LHX1: variants seen among roughly 807,000 people sequenced by gnomAD.
LHX1 encodes the protein LIM homeobox 1.
A neutral mutation model predicts 34.1 loss-of-function variants in LHX1; 9 were observed. The ratio of observed to expected loss-of-function variants is 0.26; its 90% confidence interval spans 0.16 to 0.46. The LOEUF (loss-of-function observed/expected upper bound fraction) is 0.46, where lower values mean the gene tolerates loss of function less well. Among genes scored for constraint, LHX1 ranks in the 20% least tolerant of loss-of-function variants. LHX1 has a pLI of 1.00. For synonymous variants in LHX1, 254 were observed against 241.5 expected, an observed-to-expected ratio of 1.05 and a Z score of -0.48; for missense variants, 446 against 559.1, an observed-to-expected ratio of 0.80 and a Z score of 2.04.
At position 36,943,272 on chromosome 17, in the gene LHX1, C is replaced by T; in HGVS notation, c.*141C>T. ...AGAACCATTCTCCTTCTGGGGAGACCGGATGGAAAAGGGGGACACGAAATA... is the reference window on the plus strand; with the variant it reads ...AGAACCATTCTCCTTCTGGGGAGACTGGATGGAAAAGGGGGACACGAAATA... On this transcript the variant is annotated 3_prime_UTR_variant, in exon 5 of 5. Transcript: ENST00000614239. 9.6e-7 allele frequency: 1 copy of T among 1,046,674 alleles called. No individual in the cohort carries two copies. Among genetic ancestry groups the T allele is most frequent in the Non-Finnish European group, 1.3e-6 (1 of 747,122 alleles). The allele number at this position is 1,046,674 out of a possible 1,614,324, so 64.8% of individuals were successfully genotyped here.
chr17:36,943,373 G>A lies in LHX1; in HGVS notation c.*242G>A, dbSNP rs1344977499. On this transcript the variant is annotated 3_prime_UTR_variant, in exon 5 of 5. Transcript: ENST00000614239. ...ACGTGCAGAACTGGGGCTCCCCAAAGGAAACGCAGACCTCTCCCCAACTCC... is the reference window on the plus strand; with the variant it reads ...ACGTGCAGAACTGGGGCTCCCCAAAAGAAACGCAGACCTCTCCCCAACTCC... 2.0e-6 allele frequency: 1 copy of A among 502,226 alleles called. No homozygotes were observed. The highest frequency in any genetic ancestry group is 3.3e-5 in the East Asian group (1 of 29,910). 31.1% of individuals were successfully genotyped at this position (502,226 alleles called of 1,614,324 possible).
intron 1 of LHX1, among the ~76,000 whole-genome samples, chr17:36,939,435 C>A (rs952610801): frequency 3.3e-5 from 5 of 152,218 alleles, no homozygotes; most frequent in Non-Finnish European, 2.9e-5. Flanking sequence ...TCCCCAGTGC[C>A]GCTCCAGGAC....
At position 36,943,508 on chromosome 17, in the gene LHX1, A is replaced by T. The variant is rs369194373; in HGVS notation, c.*377A>T. 1 of 205,142 alleles carries T rather than the reference A, an allele frequency of 4.9e-6. No homozygotes were observed. The highest frequency in any genetic ancestry group is 9.7e-6 in the Non-Finnish European group (1 of 103,116). 12.7% of individuals were successfully genotyped at this position (205,142 alleles called of 1,614,324 possible). A position where few individuals can be genotyped will look rare whatever the true frequency, so the allele number is the denominator to read the frequency against. On this transcript the variant is annotated 3_prime_UTR_variant, in exon 5 of 5. Coordinates refer to ENST00000614239, the MANE Select transcript of LHX1 (RefSeq NM_005568.5). ...GGTGCGCACAGCCGTTGGCGATGCC[A>T]GGAGCCGTGGGGAGGGAGGCCGTGA...
In LHX1 at chr17:36,937,948, G is replaced by T. The variant is rs2070739101; in HGVS notation, c.-250G>T. On this transcript the variant is annotated 5_prime_UTR_variant, in exon 1 of 5. Transcript: ENST00000614239. ...TCCTCGCCCCGGGAGCTCAGGCGGC[G>T]CCGCTCCAGCCCGGGGCCCCGGGAC... The T allele has an allele frequency of 3.3e-6, 2 of 600,270 alleles. No individual in the cohort carries two copies. Among genetic ancestry groups the T allele is most frequent in the Non-Finnish European group, 6.0e-6 (2 of 334,782 alleles). 37.2% of individuals were successfully genotyped at this position (600,270 alleles called of 1,614,324 possible).
At position 36,942,180 on chromosome 17, in the gene LHX1, C is replaced by T. The variant is rs1185307145; in HGVS notation, c.676-20C>T. On this transcript the variant is annotated intron_variant, in intron 3 of 4. Coordinates refer to ENST00000614239, the MANE Select transcript of LHX1 (RefSeq NM_005568.5). ...GGGGGTGGAGTCTCGGTGGCCTCACCCCGCCGCCATGTGCTGCAGGTCTGG... is the reference window on the plus strand; with the variant it reads ...GGGGGTGGAGTCTCGGTGGCCTCACTCCGCCGCCATGTGCTGCAGGTCTGG... The T allele has an allele frequency of 4.5e-6, 7 of 1,564,772 alleles. No individual in the cohort carries two copies. The highest frequency in any genetic ancestry group is 6.0e-6 in the Non-Finnish European group (7 of 1,164,488).
Position 36,943,123 on chromosome 17 carries a change from G to C in LHX1, c.1213G>C (p.Val405Leu). Residue 405 changes from valine to leucine, a missense_variant, in exon 5 of 5, where the codon GTG becomes CTG. This residue lies in a region of LHX1 where 235 missense variants were observed against 224.4 expected (regional missense o/e 1.05). Transcript: ENST00000614239. ...SHPPEMNEAAVW is the reference protein window; with the variant it reads ...SHPPEMNEAALW Reference sequence around the variant, plus strand: ...CCCCCCCGAAATGAACGAGGCGGCCGTGTGGTAGCGGGGTCTCGCACGGTC... The same window carrying C: ...CCCCCCCGAAATGAACGAGGCGGCCCTGTGGTAGCGGGGTCTCGCACGGTC... 6.2e-7 allele frequency: 1 copy of C among 1,612,314 alleles called. No homozygotes were observed. The highest frequency in any genetic ancestry group is 8.5e-7 in the Non-Finnish European group (1 of 1,179,782).
intron 4 of LHX1, 135 bp from the exon 5 acceptor site, chr17:36,942,617 G>T: frequency 9.2e-7 from 1 of 1,084,528 alleles, no homozygotes; most frequent in Non-Finnish European, 1.3e-6. Flanking sequence ...ACCCAGGCCC[G>T]CGAGGGCTCC....
At chr17:36,942,439 G>A in intron 4 of LHX1, 74 bp downstream of exon 4, 1 of 1,451,048 alleles carries the variant, frequency 6.9e-7, no homozygotes, top group Non-Finnish European at 9.4e-7. Context: ...CAGCGCGGGG[G>A]GGCACGCCTC....
chr17:36,938,337 G>T lies in LHX1; in HGVS notation c.140G>T (p.Gly47Val). ...NLTEKCFSRE[G>V]KLYCKNDFFR... ...ACCGAGAAGTGCTTCTCCAGGGAAG[G>T]CAAACTCTACTGCAAGAACGACTTC... Residue 47 changes from glycine (G) to valine (V), a missense_variant, in exon 1 of 5, where the codon GGC becomes GTC. Transcript: ENST00000614239. 6.2e-7 allele frequency: 1 copy of T among 1,614,202 alleles called. No individual in the cohort carries two copies. The highest frequency in any genetic ancestry group is 8.5e-7 in the Non-Finnish European group (1 of 1,180,026).
rs575465599 is a variant in LHX1, at chr17:36,940,458, C to T, written c.339C>T (p.Val113=). 137 of 1,614,130 alleles carry T rather than the reference C, an allele frequency of 8.5e-5. No homozygotes were observed. In the South Asian group the frequency reaches 1.5e-3, roughly 17 times the overall value. The part of the protein sequence containing the change: ...ELYIIDENKF[V]CKEDYLSNSS... ...ACATCATCGACGAGAATAAGTTCGT[C>T]TGCAAAGAGGATTACCTAAGTAACA... is the stretch of plus-strand genomic sequence containing the variant. The change falls in exon 2 of 5, where the codon GTC becomes GTT. Residue 113 remains valine, a synonymous_variant. Coordinates refer to ENST00000614239, the MANE Select transcript of LHX1 (RefSeq NM_005568.5).
At position 36,940,575 on chromosome 17, in the gene LHX1, C is replaced by G. The variant is rs2070758239; in HGVS notation, c.398-35C>G. The G allele has an allele frequency of 2.5e-6, 4 of 1,613,658 alleles. No individual in the cohort carries two copies. In the East Asian group the frequency reaches 8.9e-5, roughly 36 times the overall value. The stretch of plus-strand genomic sequence containing the variant: ...GCGGGTCCTGGGGGAGGAAGGCTCG[C>G]CAAGGCCCCGGCTCATCTGTCCTTT... On this transcript the variant is annotated intron_variant, in intron 2 of 4. Coordinates refer to ENST00000614239, the MANE Select transcript of LHX1 (RefSeq NM_005568.5).
At chr17:36,939,670 G>A (rs71380121) in intron 1 of LHX1, among the ~76,000 whole-genome samples, 3 of 151,648 alleles carry the variant, frequency 2.0e-5, no homozygotes, top group Non-Finnish European at 4.4e-5. Context: ...GCCAGCTCCC[G>A]CAGCTCCCGC....
rs754162995 is a variant in LHX1 at position 36,940,656 on chromosome 17, G to A, written c.444G>A (p.Pro148=). Residue 148 remains proline (P), a synonymous_variant, in exon 3 of 5, where the codon CCG becomes CCA. Transcript: ENST00000614239. ...GTTTGTCTCCGGATTCCCAAGACCC[G>A]TCGCAGGACGACGCCAAGGACTCGG... ...DPSLSPDSQD[P]SQDDAKDSES... The A allele has an allele frequency of 1.2e-6, 2 of 1,613,856 alleles. No individual in the cohort carries two copies. The highest frequency in any genetic ancestry group is 1.7e-6 in the Non-Finnish European group (2 of 1,180,034).
chr17:36,940,031 G>C, intron 1 of LHX1: 1 of 591,896 alleles, frequency 1.7e-6, no homozygotes, highest in African/African-American at 1.9e-5. Context: ...TGGGCCCCTG[G>C]CTCTAACCGC....
intron 1 of LHX1, among the ~76,000 whole-genome samples, chr17:36,939,221 T>G (rs1488100018): frequency 6.6e-6 from 1 of 152,208 alleles, no homozygotes; most frequent in Non-Finnish European, 1.5e-5. Flanking sequence ...ACACTCACAA[T>G]TTTGCCGCTC....
rs2070785393 is a variant in LHX1 at position 36,943,881 on chromosome 17, CTT to C, written c.*751_*752del. On this transcript the variant is annotated 3_prime_UTR_variant, in exon 5 of 5. Transcript: ENST00000614239. ...CCAGCCAGACCGCTCAGTAAAATGA[CTT>C]GAACATCAGCTGTACAAGAAAAGTA... 1.3e-5 allele frequency: 2 copies of C among 149,468 alleles called. No individual in the cohort carries two copies. Among genetic ancestry groups the C allele is most frequent in the African/African-American group, 4.9e-5 (2 of 40,558 alleles). 9.3% of individuals were successfully genotyped at this position (149,468 alleles called of 1,614,324 possible).
At chr17:36,941,426 G>T (rs544451882) in intron 3 of LHX1, 7 of 329,078 alleles carry the variant, frequency 2.1e-5, no homozygotes, top group Non-Finnish European at 4.2e-5. Context: ...TGAAATTTGG[G>T]TATGGGAGCC....
rs541702581 is a variant in LHX1 at position 36,938,099 on chromosome 17, G to A, written c.-99G>A. ...GCCGAGTGTGTGTCCTCTTTTTGGA[G>A]AGACTGGGGAGCTCGTGCCGATTGT... On this transcript the variant is annotated 5_prime_UTR_variant, in exon 1 of 5. Coordinates refer to ENST00000614239, the MANE Select transcript of LHX1 (RefSeq NM_005568.5). 2.7e-5 allele frequency: 32 copies of A among 1,191,292 alleles called. No homozygotes were observed. In the African/African-American group the frequency reaches 4.4e-4, roughly 16 times the overall value. 73.8% of individuals were successfully genotyped at this position (1,191,292 alleles called of 1,614,324 possible).
chr17:36,937,203 G>T (rs1010850101), upstream of LHX1: 4 of 453,076 alleles, frequency 8.8e-6, no homozygotes, highest in African/African-American at 4.0e-5. Flanking sequence ...GCGCCCAGGC[G>T]GCCGCGAGTT....
Sources: gnomAD v4.1 joint callset for allele counts (sites outside exome capture counted in the v4.1 genomes callset) on GRCh38, gnomAD v4.1.1 for gene constraint, gnomAD v4.1.1 regional missense constraint, MANE v1.5 for transcripts, NCBI Gene and HGNC (gene_info 2026-07-23, HGNC 2026-07-21) for gene names.